The following MAGT1 variants were observed in gnomAD, a reference collection of about 807,000 sequenced individuals.
MAGT1 encodes magnesium transporter 1.
In MAGT1, 4 loss-of-function variants were observed where a neutral mutation model predicts 28.4. The ratio of observed to expected loss-of-function variants is 0.14; its 90% CI spans 0.07 to 0.32. The LOEUF is 0.32. Ranked by LOEUF, MAGT1 falls within the 10% of genes least tolerant of loss-of-function variation. The probability of loss-of-function intolerance (pLI) is 1.00; values close to 1 mark genes in which losing one functional copy is unlikely to be tolerated. For synonymous variants in MAGT1, 89 were observed against 89.7 expected, an observed-to-expected ratio of 0.99 and a Z score of 0.04; for missense variants, 193 against 264.5, an observed-to-expected ratio of 0.73 and a Z score of 1.88.
intron 1 of MAGT1, chrX:77,885,671 A>G (rs1170649357): frequency 9.1e-6 from 1 of 110,436 alleles, no homozygotes; most frequent in African/African-American, 3.3e-5. Flanking sequence ...AGTATGCGCC[A>G]CCATGCCTAG....
In MAGT1 at chrX:77,826,065, C is replaced by T. The variant is rs1157278639; in HGVS notation, c.*3155G>A. 8.9e-6 allele frequency among the ~76,000 whole-genome samples: 1 copy of T among 112,260 alleles called. No homozygotes were observed. Among genetic ancestry groups the T allele is most frequent in the Non-Finnish European group, 1.9e-5 (1 of 53,277 alleles). On this transcript the variant is annotated 3_prime_UTR_variant, in exon 10 of 10. Transcript: ENST00000618282. ...GGAAATTACCTAGTCAAGGAATGTT[C>T]ACTGTCTGGGACGAAAGGTAGATCA...
intron 8 of MAGT1, among the ~76,000 whole-genome samples, chrX:77,837,131 T>C (rs190290932): frequency 1.2e-3 from 138 of 111,584 alleles, no homozygotes; most frequent in Non-Finnish European, 2.1e-3. Context: ...TTCATGTCAG[T>C]AATGTACTTT....
intron 3 of MAGT1, among the ~76,000 whole-genome samples, chrX:77,863,133 C>A (rs782098751): frequency 1.8e-5 from 2 of 109,307 alleles, no homozygotes; most frequent in African/African-American, 3.3e-5. Flanking sequence ...GCACTCCAGC[C>A]TGGGCAACAG....
At chrX:77,850,830 TAATA>T (rs1385687474) in intron 7 of MAGT1, among the ~76,000 whole-genome samples, 1 of 111,991 alleles carries the variant, frequency 8.9e-6, no homozygotes, top group East Asian at 2.8e-4. Context: ...ATCAACTAAT[TAATA>T]CTTTACAATT....
At chrX:77,847,234 G>A (rs925670176) in intron 7 of MAGT1, among the ~76,000 whole-genome samples, 1 of 112,469 alleles carries the variant, frequency 8.9e-6, no homozygotes, top group Non-Finnish European at 1.9e-5. Context: ...CTCCAAGCCA[G>A]GTGTGGGATA....
intron 9 of MAGT1, 76 bp from the exon 10 acceptor site, chrX:77,829,311 G>A (rs782268008): frequency 1.6e-5 from 15 of 913,553 alleles, no homozygotes; most frequent in Non-Finnish European, 2.2e-5. Context: ...TAAGCAGTAT[G>A]TTGGTTTTAA....
intron 8 of MAGT1, 63 bp from the exon 9 acceptor site, chrX:77,830,958 CT>C: frequency 5.1e-6 from 2 of 394,896 alleles, no homozygotes; most frequent in Non-Finnish European, 8.2e-6. Flanking sequence ...CCATGGCAGT[CT>C]ATACTTTCTT....
At chrX:77,865,926 C>T (rs62614900) in intron 3 of MAGT1, among the ~76,000 whole-genome samples, 20,358 of 67,733 alleles carry the variant, frequency 0.3, 5,834 homozygotes, top group Non-Finnish European at 0.52. Flanking sequence ...GAGGCCAAGG[C>T]GGGCAGATCA....
At chrX:77,833,659 T>A (rs1159494835) in intron 8 of MAGT1, among the ~76,000 whole-genome samples, 1 of 112,098 alleles carries the variant, frequency 8.9e-6, no homozygotes, top group Admixed American at 9.6e-5. Flanking sequence ...AATGGAAAGA[T>A]GTTCCACGTT....
chrX:77,893,216 G>A (rs1291493640), intron 1 of MAGT1, among the ~76,000 whole-genome samples: 1 of 112,180 alleles, frequency 8.9e-6, no homozygotes, highest in Non-Finnish European at 1.9e-5. Flanking sequence ...TCACCTGGAG[G>A]CACCAAGAAA....
Position 77,869,631 on chromosome X carries a change from G to A in MAGT1, c.390+1177C>T, listed in dbSNP as rs140679786. 3.6e-3 allele frequency among the ~76,000 whole-genome samples: 392 copies of A among 110,189 alleles called. 4 individuals are homozygous for A. The highest frequency in any genetic ancestry group is 0.012 in the African/African-American group (374 of 30,379). ...ATTTCTCAAAAGAAGATATACAAAT[G>A]GCCAACATCACTAATTATCAGGGAA... On this transcript the variant is annotated intron_variant, in intron 3 of 9. Coordinates refer to ENST00000618282, the MANE Select transcript of MAGT1 (RefSeq NM_001367916.1).
intron 8 of MAGT1, among the ~76,000 whole-genome samples, chrX:77,833,654 A>G (rs2076905182): frequency 8.9e-6 from 1 of 112,197 alleles, no homozygotes; most frequent in African/African-American, 3.2e-5. Context: ...CGAAAAATGG[A>G]AAGATGTTCC....
At chrX:77,831,602 T>C (rs1197651907) in intron 8 of MAGT1, among the ~76,000 whole-genome samples, 1 of 108,121 alleles carries the variant, frequency 9.2e-6, no homozygotes, top group Non-Finnish European at 1.9e-5. Context: ...TTCTTTTTTT[T>C]TTTTTTTTGA....
chrX:77,829,101 A>G lies in MAGT1; in HGVS notation c.*119T>C. ...CTTTGGTTAAATGATTAACTATTTAAATCACTTGAAAAAAAGAGGTAATAC... is the reference window on the plus strand; with the variant it reads ...CTTTGGTTAAATGATTAACTATTTAGATCACTTGAAAAAAAGAGGTAATAC... On this transcript the variant is annotated 3_prime_UTR_variant, in exon 10 of 10. Coordinates refer to ENST00000618282, the MANE Select transcript of MAGT1 (RefSeq NM_001367916.1). The G allele has an allele frequency of 1.7e-6, 1 of 598,383 alleles. No individual in the cohort carries two copies. The highest frequency in any genetic ancestry group is 2.8e-6 in the Non-Finnish European group (1 of 355,395). The allele number at this position is 598,383 out of a possible 1,213,427, so 49.3% of individuals were successfully genotyped here.
chrX:77,836,698 G>A (rs782710651), intron 8 of MAGT1, among the ~76,000 whole-genome samples: 30 of 111,213 alleles, frequency 2.7e-4, no homozygotes, highest in Non-Finnish European at 4.7e-4. Context: ...GAGCCCAGGA[G>A]TTCAAGACCA....
intron 8 of MAGT1, among the ~76,000 whole-genome samples, chrX:77,836,321 T>A (rs1389964648): frequency 9.0e-6 from 1 of 111,312 alleles, no homozygotes; most frequent in Non-Finnish European, 1.9e-5. Flanking sequence ...TACTATTTGA[T>A]AGCACAACAG....
At chrX:77,857,788 G>A (rs1036935170) in intron 3 of MAGT1, among the ~76,000 whole-genome samples, 3 of 111,749 alleles carry the variant, frequency 2.7e-5, no homozygotes, top group Non-Finnish European at 5.6e-5. Flanking sequence ...ATTTTAATCT[G>A]TTCAGAGATT....
At chrX:77,887,132 T>A (rs1267737689) in intron 1 of MAGT1, among the ~76,000 whole-genome samples, 5 of 111,425 alleles carry the variant, frequency 4.5e-5, no homozygotes, top group Non-Finnish European at 9.4e-5. Context: ...CTCATTCTGT[T>A]ACCCAGGTTA....
intron 5 of MAGT1, chrX:77,856,491 G>GA: frequency 3.1e-6 from 1 of 327,030 alleles, no homozygotes; most frequent in Admixed American, 5.5e-5. Context: ...TTTTCATAGA[G>GA]ATGACAGTCT....
Sources: allele counts gnomAD v4.1 joint callset (sites outside exome capture counted in the v4.1 genomes callset), GRCh38; gene constraint gnomAD v4.1.1; transcripts MANE v1.5; gene names NCBI Gene and HGNC (gene_info 2026-07-23, HGNC 2026-07-21).